Variants in TNFAIP8L1 observed in about 807,000 individuals in gnomAD.
TNFAIP8L1 encodes TNF alpha induced protein 8 like 1.
For missense variants in TNFAIP8L1, 225 were observed against 266.1 expected (o/e 0.85, Z 1.08); for synonymous variants, 127 against 125.6 (o/e 1.01, Z -0.08).
At position 4,641,579 on chromosome 19, in the gene TNFAIP8L1, G is replaced by C. The variant is rs1461564986; in HGVS notation, c.-4+1950G>C. On this transcript the variant is annotated intron_variant, in intron 1 of 1. Coordinates refer to ENST00000327473, the MANE Select transcript of TNFAIP8L1 (RefSeq NM_152362.3). The surrounding 1 kb of genome is among the most constrained non-coding windows in gnomAD (Gnocchi z 4.6). The stretch of plus-strand genomic sequence containing the variant: ...GTTCTTGGGATCTTGTAAATCCCCA[G>C]CTTCTAGGCCTCAGTTTCCCCATCT... The C allele has an allele frequency of 6.6e-6, 1 of 151,848 alleles. No homozygotes were observed. Among genetic ancestry groups the C allele is most frequent in the Non-Finnish European group, 1.5e-5 (1 of 68,008 alleles). The allele number at this position is 151,848 out of a possible 1,614,324, so 9.4% of individuals were successfully genotyped here. A position where few individuals can be genotyped will look rare whatever the true frequency, so the allele number is the denominator to read the frequency against.
chr19:4,646,149 G>C (rs989593084), intron 1 of TNFAIP8L1, among the ~76,000 whole-genome samples: 1 of 152,056 alleles, frequency 6.6e-6, no homozygotes, highest in Non-Finnish European at 1.5e-5. Context: ...TCCAGCAGGG[G>C]AACAGTTTTT....
In TNFAIP8L1 at chr19:4,652,941, A is replaced by G. The variant is rs1485301989; in HGVS notation, c.*511A>G. ...TGATTTGGAAATAGGATCATTACAG[A>G]TGGAATTAGTTCAGATGATCTCATC... On this transcript the variant is annotated 3_prime_UTR_variant, in exon 2 of 2. Transcript: ENST00000327473. 1 of 169,076 alleles carries G rather than the reference A, an allele frequency of 5.9e-6. No homozygotes were observed. The highest frequency in any genetic ancestry group is 1.9e-4 in the East Asian group (1 of 5,220). 10.5% of individuals were successfully genotyped at this position (169,076 alleles called of 1,614,324 possible). A position where few individuals can be genotyped will look rare whatever the true frequency, so the allele number is the denominator to read the frequency against.
intron 1 of TNFAIP8L1, among the ~76,000 whole-genome samples, chr19:4,646,715 C>T (rs2088314633): frequency 6.6e-6 from 1 of 151,798 alleles, no homozygotes; most frequent in African/African-American, 2.4e-5. Context: ...ACTGCAAGCT[C>T]CGCCTCCCGG....
In TNFAIP8L1 at chr19:4,651,932, G is replaced by A; in HGVS notation, c.63G>A (p.Met21Ile). 1 of 1,613,844 alleles carries A rather than the reference G, an allele frequency of 6.2e-7. No homozygotes were observed. Among genetic ancestry groups the A allele is most frequent in the Non-Finnish European group, 8.5e-7 (1 of 1,179,778 alleles). ...CGCAGAAGAAGCTCCTGAGTAAGAT[G>A]GCGTCCAAGGCAGTGGTGGCCGTGC... ...LQAQKKLLSK[M>I]ASKAVVAVLV... Residue 21 changes from methionine (M) to isoleucine (I), a missense_variant, in exon 2 of 2, where the codon ATG (methionine) becomes ATA (isoleucine). Physicochemically the swap from Met to Ile is conservative, Grantham distance 10. Coordinates refer to ENST00000327473, the MANE Select transcript of TNFAIP8L1 (RefSeq NM_152362.3).
Position 4,645,487 on chromosome 19 carries a change from CAGG to C in TNFAIP8L1, c.-4+5861_-4+5863del, listed in dbSNP as rs1186500840. ...GCTACTTGGGAGGCTGAGGCTGAGG[CAGG>C]AGAATCGCTTGAATCCGGGAGGCAG... On this transcript the variant is annotated intron_variant, in intron 1 of 1. Coordinates refer to ENST00000327473, the MANE Select transcript of TNFAIP8L1 (RefSeq NM_152362.3). This position sits in a 1 kb window ranked among gnomAD's most constrained non-coding sequence, Gnocchi z 4.1. Among the ~76,000 whole-genome samples, 4 of 151,908 alleles carry C rather than the reference CAGG, an allele frequency of 2.6e-5. No homozygotes were observed. The highest frequency in any genetic ancestry group is 2.0e-4 in the Admixed American group (3 of 15,234).
intron 1 of TNFAIP8L1, 45 bp from the exon 2 acceptor site, chr19:4,651,822 G>C (rs761752442): frequency 1.3e-6 from 2 of 1,536,040 alleles, no homozygotes; most frequent in Non-Finnish European, 1.8e-6. Context: ...TGTGTGAGGA[G>C]TGCCCCAACG....
intron 1 of TNFAIP8L1, among the ~76,000 whole-genome samples, chr19:4,651,006 AATAAAAT>A (rs913921041): frequency 4.3e-4 from 65 of 151,438 alleles, no homozygotes; most frequent in African/African-American, 1.5e-3. Flanking sequence ...TAATAATAAT[AATAAAAT>A]AAATAAATAA....
At chr19:4,642,482 CAA>C (rs56182452) in intron 1 of TNFAIP8L1, 53,296 of 130,898 alleles carry the variant, frequency 0.41, 10,074 homozygotes, top group Non-Finnish European at 0.44. Context: ...GACTCCATCT[CAA>C]AAAAAAAAAA....
chr19:4,648,568 T>C (rs1443821252), intron 1 of TNFAIP8L1, among the ~76,000 whole-genome samples: 1 of 152,200 alleles, frequency 6.6e-6, no homozygotes, highest in East Asian at 1.9e-4. Context: ...CACAGCTGCT[T>C]GCCCCCCATC....
intron 1 of TNFAIP8L1, among the ~76,000 whole-genome samples, chr19:4,649,306 G>A (rs952087360): frequency 5.9e-5 from 9 of 151,842 alleles, no homozygotes; most frequent in East Asian, 1.9e-4. Context: ...AGGTGGGCAC[G>A]GAAGGGCGGA....
Position 4,652,961 on chromosome 19 carries a change from C to T in TNFAIP8L1, c.*531C>T, listed in dbSNP as rs2088384910. The T allele has an allele frequency of 6.0e-6, 1 of 167,574 alleles. No individual in the cohort carries two copies. The allele number at this position is 167,574 out of a possible 1,614,324, so 10.4% of individuals were successfully genotyped here. Reference sequence around the variant, plus strand: ...TACAGATGGAATTAGTTCAGATGATCTCATCTTGGAGTAGGGTGGGCCCCA... The same window carrying T: ...TACAGATGGAATTAGTTCAGATGATTTCATCTTGGAGTAGGGTGGGCCCCA... On this transcript the variant is annotated 3_prime_UTR_variant, in exon 2 of 2. Coordinates refer to ENST00000327473, the MANE Select transcript of TNFAIP8L1 (RefSeq NM_152362.3).
rs1300855551 is a variant in TNFAIP8L1, at chr19:4,652,293, C to T, written c.424C>T (p.Arg142Cys). The T allele has an allele frequency of 1.3e-6, 2 of 1,565,764 alleles. No individual in the cohort carries two copies. Among genetic ancestry groups the T allele is most frequent in the East Asian group, 2.4e-5 (1 of 41,904 alleles). The change falls in exon 2 of 2, where the codon CGC becomes TGC. Residue 142 changes from arginine (R) to cysteine (C), a missense_variant. Physicochemically the swap from Arg to Cys is radical, Grantham distance 180. Transcript: ENST00000327473. ...GPHLTAKSHGRINHVFGHLAD... is the reference protein window; with the variant it reads ...GPHLTAKSHGCINHVFGHLAD... ...CCACCTGACCGCCAAGTCCCACGGCCGCATCAACCACGTGTTCGGCCACCT... is the reference window on the plus strand; with the variant it reads ...CCACCTGACCGCCAAGTCCCACGGCTGCATCAACCACGTGTTCGGCCACCT...
At chr19:4,650,634 C>T (rs1599828716) in intron 1 of TNFAIP8L1, among the ~76,000 whole-genome samples, 6 of 152,068 alleles carry the variant, frequency 3.9e-5, no homozygotes, top group South Asian at 2.1e-4. Flanking sequence ...CCTTATGCCT[C>T]GAGAGCTGGC....
rs1342341229 is a variant in TNFAIP8L1 at position 4,641,953 on chromosome 19, C to G, written c.-4+2324C>G. 3 of 152,224 alleles carry G rather than the reference C, an allele frequency of 2.0e-5. No homozygotes were observed. Among genetic ancestry groups the G allele is most frequent in the Non-Finnish European group, 4.4e-5 (3 of 68,052 alleles). The allele number at this position is 152,224 out of a possible 1,614,324, so 9.4% of individuals were successfully genotyped here. ...CAGTTTCCTTATAACCAAAAACTTG[C>G]AGGTCCATCTAGAGAATTTCCCAGC... On this transcript the variant is annotated intron_variant, in intron 1 of 1. Coordinates refer to ENST00000327473, the MANE Select transcript of TNFAIP8L1 (RefSeq NM_152362.3). The surrounding 1 kb of genome is among the most constrained non-coding windows in gnomAD (Gnocchi z 4.6).
intron 1 of TNFAIP8L1, among the ~76,000 whole-genome samples, chr19:4,648,667 G>A (rs1011879977): frequency 3.3e-5 from 5 of 152,174 alleles, no homozygotes; most frequent in East Asian, 1.9e-4. Flanking sequence ...ACTCCCGTCC[G>A]GAATCAACTT....
At chr19:4,649,333 G>A (rs557968806) in intron 1 of TNFAIP8L1, among the ~76,000 whole-genome samples, 2 of 152,108 alleles carry the variant, frequency 1.3e-5, no homozygotes, top group Admixed American at 1.3e-4. Flanking sequence ...GGCAGTGGTT[G>A]CAGCCTCTCG....
rs1400241783 is a variant in TNFAIP8L1, at chr19:4,655,487, T to C, written c.*3057T>C. 6.6e-6 allele frequency: 1 copy of C among 152,202 alleles called. No individual in the cohort carries two copies. The highest frequency in any genetic ancestry group is 2.4e-5 in the African/African-American group (1 of 41,454). 9.4% of individuals were successfully genotyped at this position (152,202 alleles called of 1,614,324 possible). On this transcript the variant is annotated 3_prime_UTR_variant, in exon 2 of 2. Transcript: ENST00000327473. The stretch of plus-strand genomic sequence containing the variant: ...TGGGCTGTCCAGACAGTCTGGACTC[T>C]TGTAAATTTGAGATTTAATTAAAGG...
intron 1 of TNFAIP8L1, among the ~76,000 whole-genome samples, chr19:4,649,232 CTT>C (rs60908273): frequency 2.8e-5 from 4 of 145,068 alleles, no homozygotes; most frequent in Non-Finnish European, 6.1e-5. Flanking sequence ...GCCCGGCCAG[CTT>C]TTTTTTTTTT....
At chr19:4,651,773 C>G in intron 1 of TNFAIP8L1, 94 bp from the exon 2 acceptor site, 2 of 1,367,658 alleles carry the variant, frequency 1.5e-6, no homozygotes, top group East Asian at 4.7e-5. Context: ...AAACAAATTC[C>G]GTTAGGCCCT....
Sources: allele counts gnomAD v4.1 joint callset (sites outside exome capture counted in the v4.1 genomes callset), GRCh38; gene constraint gnomAD v4.1.1; non-coding constraint Gnocchi (gnomAD v3.1); transcripts MANE v1.5; gene names NCBI Gene and HGNC (gene_info 2026-07-23, HGNC 2026-07-21).